The following GOLGA6L2 variants were observed in gnomAD, a reference collection of about 807,000 sequenced individuals.
GOLGA6L2 encodes the protein golgin A6 family like 2.
In GOLGA6L2, 30 loss-of-function variants were observed where a neutral mutation model predicts 35.9. The ratio of observed to expected loss-of-function variants is 0.83; its 90% CI spans 0.62 to 1.13. The LOEUF (loss-of-function observed/expected upper bound fraction) is 1.13, where lower values mean the gene tolerates loss of function less well. Ranked by LOEUF, GOLGA6L2 falls within the 50% of genes most tolerant of loss-of-function variation. The pLI is 0.00. For synonymous variants in GOLGA6L2, 297 were observed against 344.0 expected, an observed-to-expected ratio of 0.86 and a Z score of 1.51; for missense variants, 821 against 973.4, an observed-to-expected ratio of 0.84 and a Z score of 2.08.
At chr15:23,441,910 T>G (rs2070698025) in intron 7 of GOLGA6L2, 69 bp downstream of exon 7, 5 of 1,507,476 alleles carry the variant, frequency 3.3e-6, no homozygotes, top group Non-Finnish European at 4.4e-6. Context: ...CCCCATACCT[T>G]GCATGATCCC....
chr15:23,441,783 C>T (rs2070696491), intron 7 of GOLGA6L2, 101 bp from the exon 8 acceptor site: 24 of 1,363,490 alleles, frequency 1.8e-5, no homozygotes, highest in Non-Finnish European at 2.1e-5. Context: ...AGCCTTAACA[C>T]TGAGGTTCTG....
At position 23,439,444 on chromosome 15, in the gene GOLGA6L2, TTTC is replaced by T; in HGVS notation, c.*298_*300del. ...TACCACAATTTAAAGTAAATTTTCT[TTTC>T]TTTTTTTTTTTTTTTTTCAAGTTTG... On this transcript the variant is annotated 3_prime_UTR_variant, in exon 8 of 8. Transcript: ENST00000567107. 1.6e-6 allele frequency: 1 copy of T among 636,420 alleles called. No individual in the cohort carries two copies. The highest frequency in any genetic ancestry group is 2.1e-5 in the South Asian group (1 of 48,386). The allele number at this position is 636,420 out of a possible 1,614,324, so 39.4% of individuals were successfully genotyped here.
chr15:23,444,738 C>T (rs1388495335), intron 2 of GOLGA6L2, among the ~76,000 whole-genome samples: 1 of 152,196 alleles, frequency 6.6e-6, no homozygotes, highest in Non-Finnish European at 1.5e-5. Context: ...AAGACAGTAA[C>T]ATAAACCTTC....
chr15:23,446,172 A>G (rs142676120), intron 1 of GOLGA6L2, among the ~76,000 whole-genome samples: 5 of 150,288 alleles, frequency 3.3e-5, no homozygotes, highest in Admixed American at 6.8e-5. Flanking sequence ...ACCATGGAGA[A>G]TTCAAATATG....
At position 23,440,042 on chromosome 15, in the gene GOLGA6L2, C is replaced by T. The variant is rs760697315; in HGVS notation, c.2433G>A (p.Ala811=). The part of the protein sequence containing the change: ...GEDAGAGGED[A]GAGGEDAGPG... ...GCCCTGCATCTTCTCCTCCTGCTCC[C>T]GCATCTTCTCCTCCTGCTCCCGCAT... The change falls in exon 8 of 8, where the codon GCG becomes GCA. Residue 811 remains alanine, a synonymous_variant. Coordinates refer to ENST00000567107, the MANE Select transcript of GOLGA6L2 (RefSeq NM_001304388.2). 6 of 871,928 alleles carry T rather than the reference C, an allele frequency of 6.9e-6. 1 individual carries two copies. The highest frequency in any genetic ancestry group is 5.5e-5 in the African/African-American group (3 of 54,796). 54.0% of individuals were successfully genotyped at this position (871,928 alleles called of 1,614,324 possible). A position where few individuals can be genotyped will look rare whatever the true frequency, so the allele number is the denominator to read the frequency against.
Position 23,443,716 on chromosome 15 carries a change from G to A in GOLGA6L2, c.591+61C>T, listed in dbSNP as rs999273423. 5.4e-6 allele frequency: 7 copies of A among 1,292,896 alleles called. No individual in the cohort carries two copies. The Admixed American group carries it at 1.4e-4, about 26-fold the overall frequency. The allele number at this position is 1,292,896 out of a possible 1,614,324, so 80.1% of individuals were successfully genotyped here. On this transcript the variant is annotated intron_variant, in intron 5 of 7. Coordinates refer to ENST00000567107, the MANE Select transcript of GOLGA6L2 (RefSeq NM_001304388.2). The stretch of plus-strand genomic sequence containing the variant: ...CTGCATCCTGCAGGAGGGACCTTTA[G>A]GCTCATTCCTCCATCTGCGAAGCTG...
intron 5 of GOLGA6L2, 45 bp from the exon 6 acceptor site, chr15:23,442,553 GCAGCTGGCCGAC>G: frequency 6.5e-7 from 1 of 1,549,836 alleles, no homozygotes; most frequent in Non-Finnish European, 8.7e-7. Flanking sequence ...AGGCAGAAGA[GCAGCTGGCCGAC>G]CAGGAACAAC....
Position 23,441,263 on chromosome 15 carries a change from C to G in GOLGA6L2, c.1212G>C (p.Glu404Asp), listed in dbSNP as rs1424902880. 1 of 1,539,370 alleles carries G rather than the reference C, an allele frequency of 6.5e-7. No homozygotes were observed. Among genetic ancestry groups the G allele is most frequent in the East Asian group, 2.4e-5 (1 of 40,880 alleles). Residue 404 changes from glutamate to aspartate, a missense_variant, in exon 8 of 8, where the codon GAG becomes GAC. Transcript: ENST00000567107. ...DQEERMWEQD[E>D]RLREKEERMR... ...TCCTCTCCTCCTTCTCCCGTAGCCTCTCGTCCTGCTCCCACATCCTCTCCT... is the reference window on the plus strand; with the variant it reads ...TCCTCTCCTCCTTCTCCCGTAGCCTGTCGTCCTGCTCCCACATCCTCTCCT...
At chr15:23,443,503 A>G (rs1232736600) in intron 5 of GOLGA6L2, among the ~76,000 whole-genome samples, 1 of 152,162 alleles carries the variant, frequency 6.6e-6, no homozygotes. Flanking sequence ...ACCCCTGCCT[A>G]GGACTTGGTC....
rs1423207921 is a variant in GOLGA6L2, at chr15:23,440,386, C to T, written c.2089G>A (p.Gly697Arg). The T allele has an allele frequency of 4.3e-6, 5 of 1,168,462 alleles. No individual in the cohort carries two copies. The highest frequency in any genetic ancestry group is 4.0e-5 in the South Asian group (3 of 74,244). The allele number at this position is 1,168,462 out of a possible 1,614,324, so 72.4% of individuals were successfully genotyped here. ...EDVGAGRRRC[G>R]SSRGCRNRRR... ...CTGTTCCGGCAGCCTCTGCTGCTCC[C>T]ACATCTTCTTCTTCCTGCTCCCACA... The change falls in exon 8 of 8, where the codon GGG (glycine) becomes AGG (arginine). Residue 697 changes from glycine (G) to arginine (R), a missense_variant. Physicochemically the swap from Gly to Arg is moderately radical, Grantham distance 125. Coordinates refer to ENST00000567107, the MANE Select transcript of GOLGA6L2 (RefSeq NM_001304388.2).
chr15:23,442,336 C>T (rs1397980875), intron 6 of GOLGA6L2, 114 bp downstream of exon 6: 13 of 1,298,038 alleles, frequency 1.0e-5, no homozygotes, highest in Admixed American at 4.0e-5. Context: ...CTTCCCTGTG[C>T]ACACATGTAA....
chr15:23,446,847 G>A (rs1166726010), intron 1 of GOLGA6L2, among the ~76,000 whole-genome samples: 2 of 152,038 alleles, frequency 1.3e-5, no homozygotes, highest in African/African-American at 4.8e-5. Flanking sequence ...AGGAGGTGAG[G>A]GCGGAGTACG....
rs771216931 is a variant in GOLGA6L2 at position 23,447,210 on chromosome 15, C to T, written c.-29G>A. 2.4e-6 allele frequency: 3 copies of T among 1,244,130 alleles called. No homozygotes were observed. The highest frequency in any genetic ancestry group is 1.2e-6 in the Non-Finnish European group (1 of 846,166). The allele number at this position is 1,244,130 out of a possible 1,614,324, so 77.1% of individuals were successfully genotyped here. A position where few individuals can be genotyped will look rare whatever the true frequency, so the allele number is the denominator to read the frequency against. ...CGTGATTCAGACGAGGACAAGGATA[C>T]ACCTCCAGTCACGTACCACGCAGCT... On this transcript the variant is annotated 5_prime_UTR_variant, in exon 1 of 8. Coordinates refer to ENST00000567107, the MANE Select transcript of GOLGA6L2 (RefSeq NM_001304388.2).
chr15:23,444,053 T>G lies in GOLGA6L2; in HGVS notation c.315A>C (p.Arg105=). Residue 105 remains arginine, a synonymous_variant, in exon 5 of 8, where the codon CGA becomes CGC. Coordinates refer to ENST00000567107, the MANE Select transcript of GOLGA6L2 (RefSeq NM_001304388.2). ...REIEAQDHTI[R]ILTCQKTELE... The stretch of plus-strand genomic sequence containing the variant: ...GTTCAGTTTTCTGACACGTGAGAAT[T>G]CGTATTGTATGATCCTGGGCCTTTG... The G allele has an allele frequency of 1.3e-6, 2 of 1,560,590 alleles. No homozygotes were observed. The highest frequency in any genetic ancestry group is 1.7e-6 in the Non-Finnish European group (2 of 1,158,930).
At chr15:23,444,775 C>T (rs548059064) in intron 2 of GOLGA6L2, among the ~76,000 whole-genome samples, 1 of 152,230 alleles carries the variant, frequency 6.6e-6, no homozygotes, top group East Asian at 1.9e-4. Flanking sequence ...AAAAGCCCAC[C>T]CTTCTGCTAG....
At position 23,440,595 on chromosome 15, in the gene GOLGA6L2, G is replaced by T; in HGVS notation, c.1880C>A (p.Ala627Glu). Reference protein sequence around the residue: ...EEDMGPGGEDARGGEDAGAGE... With the variant: ...EEDMGPGGEDERGGEDAGAGE... The stretch of plus-strand genomic sequence containing the variant: ...CGCTCCCGCATCCTCTCCTCCTCTC[G>T]CATCTTCTCCTCCTGGTCCCATGTC... The change falls in exon 8 of 8, where the codon GCG (alanine) becomes GAG (glutamate). Residue 627 changes from alanine to glutamate, a missense_variant. Physicochemically the swap from Ala to Glu is moderately radical, Grantham distance 107. Transcript: ENST00000567107. The T allele has an allele frequency of 1.5e-6, 2 of 1,354,266 alleles. No individual in the cohort carries two copies. The highest frequency in any genetic ancestry group is 2.0e-6 in the Non-Finnish European group (2 of 984,814). The allele number at this position is 1,354,266 out of a possible 1,614,324, so 83.9% of individuals were successfully genotyped here.
Position 23,439,595 on chromosome 15 carries a change from A to T in GOLGA6L2, c.*150T>A. 1 of 1,535,808 alleles carries T rather than the reference A, an allele frequency of 6.5e-7. No individual in the cohort carries two copies. Among genetic ancestry groups the T allele is most frequent in the East Asian group, 2.4e-5 (1 of 40,860 alleles). On this transcript the variant is annotated 3_prime_UTR_variant, in exon 8 of 8. Coordinates refer to ENST00000567107, the MANE Select transcript of GOLGA6L2 (RefSeq NM_001304388.2). The stretch of plus-strand genomic sequence containing the variant: ...CTTGTCTCCTCGGTAGAAGAATGGG[A>T]TGCAGGAGGTACTGCCTAATCCTGG...
At position 23,439,792 on chromosome 15, in the gene GOLGA6L2, C is replaced by T. The variant is rs2141074242; in HGVS notation, c.2683G>A (p.Gly895Arg). 2.0e-6 allele frequency: 3 copies of T among 1,533,456 alleles called. No homozygotes were observed. Among genetic ancestry groups the T allele is most frequent in the Non-Finnish European group, 2.6e-6 (3 of 1,146,016 alleles). The allele number at this position is 1,533,456 out of a possible 1,614,324, so 95.0% of individuals were successfully genotyped here. A position where few individuals can be genotyped will look rare whatever the true frequency, so the allele number is the denominator to read the frequency against. ...EDAGEAARAR[G>R]AVLRALPPSL... ...GGAGGCAGGGCTCTGAGCACCGCTC[C>T]TCGTGCTCTGGCAGCCTCTCCTGCA... The change falls in exon 8 of 8, where the codon GGA (glycine) becomes AGA (arginine). Residue 895 changes from glycine (G) to arginine (R), a missense_variant. By Grantham distance (125) the Gly-to-Arg change is moderately radical. This residue lies in a region of GOLGA6L2 where 48 missense variants were observed against 42.7 expected (regional missense o/e 1.12). Transcript: ENST00000567107.
chr15:23,444,501 C>A lies in GOLGA6L2; in HGVS notation c.214-1G>T, dbSNP rs1254276681. 4 of 1,599,670 alleles carry A rather than the reference C, an allele frequency of 2.5e-6. No individual in the cohort carries two copies. In the East Asian group the frequency reaches 8.9e-5, roughly 36 times the overall value. ...TCAGCTGCGCTCGGTTCTGTTGTGT[C>A]TGTGGGGAGAGTCAAAGGAAGGTGA... On this transcript the variant is annotated splice_acceptor_variant, in intron 2 of 7. Transcript: ENST00000567107. LOFTEE classifies it high-confidence loss of function.
Sources: gnomAD v4.1 joint callset for allele counts (sites outside exome capture counted in the v4.1 genomes callset) on GRCh38, gnomAD v4.1.1 for gene constraint, gnomAD v4.1.1 regional missense constraint, MANE v1.5 for transcripts, NCBI Gene and HGNC (gene_info 2026-07-23, HGNC 2026-07-21) for gene names.